Variants in DLC1 observed in about 807,000 individuals in gnomAD.
DLC1 encodes rho GTPase-activating protein 7.
Under a neutral mutation model 140.3 loss-of-function variants are expected in DLC1, and 54 were observed. The ratio of observed to expected loss-of-function variants is 0.38; its 90% confidence interval spans 0.31 to 0.48. DLC1 has a LOEUF of 0.48. Ranked by LOEUF, DLC1 falls within the 20% of genes least tolerant of loss-of-function variation. The pLI is 0.96. For missense variants in DLC1, 2,536 were observed against 1,907.0 expected, an observed-to-expected ratio of 1.33 and a Z score of -6.14; for synonymous variants, 986 against 728.1, an observed-to-expected ratio of 1.35 and a Z score of -5.70.
At chr8:13,373,460 G>C (rs1392846400) in intron 4 of DLC1, among the ~76,000 whole-genome samples, 1 of 152,144 alleles carries the variant, frequency 6.6e-6, no homozygotes, top group Non-Finnish European at 1.5e-5. Flanking sequence ...CATCTTGTTA[G>C]TTAAACCCAG....
intron 2 of DLC1, among the ~76,000 whole-genome samples, chr8:13,408,153 AAAC>A (rs1837644304): frequency 1.3e-5 from 2 of 152,214 alleles, no homozygotes; most frequent in Admixed American, 6.5e-5. Flanking sequence ...GCAGGAAAGA[AAAC>A]AACAACTATT....
intron 2 of DLC1, among the ~76,000 whole-genome samples, chr8:13,409,495 A>C (rs915772546): frequency 2.6e-5 from 4 of 152,172 alleles, no homozygotes; most frequent in Non-Finnish European, 4.4e-5. Flanking sequence ...TTTTTAGTGG[A>C]AGTAGTTCCA....
chr8:13,267,912 A>G (rs892402894), intron 5 of DLC1, among the ~76,000 whole-genome samples: 7 of 152,110 alleles, frequency 4.6e-5, no homozygotes, highest in African/African-American at 1.7e-4. Context: ...TCTTTTCACT[A>G]TGTCTTGGTG....
intron 1 of DLC1, among the ~76,000 whole-genome samples, chr8:13,548,979 C>T (rs1292866846): frequency 6.6e-6 from 1 of 152,010 alleles, no homozygotes; most frequent in Admixed American, 6.6e-5. Flanking sequence ...TGTACTTTGT[C>T]CCCTCAATTT....
intron 1 of DLC1, among the ~76,000 whole-genome samples, chr8:13,538,660 G>T (rs940838545): frequency 6.6e-6 from 1 of 152,122 alleles, no homozygotes; most frequent in African/African-American, 2.4e-5. Flanking sequence ...ACTATAGTAG[G>T]GTGGGATGAA....
chr8:13,517,758 A>T (rs1188293149), upstream of DLC1, among the ~76,000 whole-genome samples: 1 of 152,238 alleles, frequency 6.6e-6, no homozygotes, highest in African/African-American at 2.4e-5. Context: ...AAAACAAAGT[A>T]TCAGGATAGG....
At chr8:13,308,878 C>T (rs1832561064) in intron 4 of DLC1, among the ~76,000 whole-genome samples, 1 of 152,032 alleles carries the variant, frequency 6.6e-6, no homozygotes, top group Non-Finnish European at 1.5e-5. Flanking sequence ...GAGAAGGGAC[C>T]TGGATAGATT....
chr8:13,270,912 TC>T (rs1830905574), intron 5 of DLC1, among the ~76,000 whole-genome samples: 1 of 152,122 alleles, frequency 6.6e-6, no homozygotes, highest in African/African-American at 2.4e-5. Context: ...GCTCATTTAA[TC>T]CTTAAAACCA....
upstream of DLC1, among the ~76,000 whole-genome samples, chr8:13,517,490 C>T (rs7842952): frequency 1.4e-4 from 21 of 152,168 alleles, no homozygotes; most frequent in African/African-American, 5.1e-4. Flanking sequence ...ATTTATTTTT[C>T]ATTGTTGAGT....
chr8:13,212,821 G>A (rs1041272310), intron 5 of DLC1, among the ~76,000 whole-genome samples: 1 of 152,074 alleles, frequency 6.6e-6, no homozygotes, highest in African/African-American at 2.4e-5. Flanking sequence ...GAGGCAGACA[G>A]GTCTGAAAAG....
At chr8:13,582,915 T>G (rs1274272119) in intron 1 of DLC1, among the ~76,000 whole-genome samples, 1 of 131,540 alleles carries the variant, frequency 7.6e-6, no homozygotes, top group Non-Finnish European at 1.6e-5. Context: ...TATATATATA[T>G]ATATGTGGTG....
chr8:13,164,560 C>A (rs568947428), intron 5 of DLC1, among the ~76,000 whole-genome samples: 1 of 152,038 alleles, frequency 6.6e-6, no homozygotes, highest in Non-Finnish European at 1.5e-5. Flanking sequence ...TTAATTTTAA[C>A]GGGATCTTAT....
At chr8:13,327,930 A>C (rs1833438724) in intron 4 of DLC1, among the ~76,000 whole-genome samples, 1 of 152,242 alleles carries the variant, frequency 6.6e-6, no homozygotes, top group Non-Finnish European at 1.5e-5. Flanking sequence ...AAATATGAAC[A>C]AGGCAAAGTA....
intron 2 of DLC1, among the ~76,000 whole-genome samples, chr8:13,409,057 T>G (rs1837680841): frequency 1.3e-5 from 2 of 152,100 alleles, no homozygotes; most frequent in Non-Finnish European, 1.5e-5. Context: ...TCTGTCTACT[T>G]TTCTACCGGC....
chr8:13,330,594 A>G (rs928465520), intron 4 of DLC1, among the ~76,000 whole-genome samples: 28 of 152,074 alleles, frequency 1.8e-4, no homozygotes, highest in African/African-American at 6.8e-4. Flanking sequence ...ACCTTCCTCT[A>G]CGTCTTCTTT....
At position 13,499,862 on chromosome 8, in the gene DLC1, C is replaced by G. The variant is rs761953912; in HGVS notation, c.210G>C (p.Leu70=). 9 of 1,613,998 alleles carry G rather than the reference C, an allele frequency of 5.6e-6. No individual in the cohort carries two copies. The highest frequency in any genetic ancestry group is 6.8e-6 in the Non-Finnish European group (8 of 1,180,014). Residue 70 remains leucine (L), a synonymous_variant, in exon 2 of 18, where the codon CTG becomes CTC. Coordinates refer to ENST00000276297, the MANE Select transcript of DLC1 (RefSeq NM_182643.3). ...CCATTGGCCTCCCAGGAAAATCTCT[C>G]AGCTCTGATCCATGACAGCAGTCAG... ...SLPDCCHGSE[L]RDFPGRPMGH...
chr8:13,267,007 C>G (rs906503102), intron 5 of DLC1, among the ~76,000 whole-genome samples: 2 of 152,116 alleles, frequency 1.3e-5, no homozygotes, highest in African/African-American at 4.8e-5. Context: ...ACTCATTTGT[C>G]CAGCCACGAG....
chr8:13,153,432 G>T (rs1823992994), intron 5 of DLC1, among the ~76,000 whole-genome samples: 1 of 152,218 alleles, frequency 6.6e-6, no homozygotes, highest in Admixed American at 6.5e-5. Context: ...GACCCAAAGA[G>T]CGAGCAGCAG....
At chr8:13,596,681 A>C (rs1039851618) in intron 1 of DLC1, among the ~76,000 whole-genome samples, 1 of 151,964 alleles carries the variant, frequency 6.6e-6, no homozygotes, top group Non-Finnish European at 1.5e-5. Flanking sequence ...AAAGTTCTGT[A>C]CTTTATAAAT....
Sources: gnomAD v4.1 joint callset for allele counts (sites outside exome capture counted in the v4.1 genomes callset) on GRCh38, gnomAD v4.1.1 for gene constraint, MANE v1.5 for transcripts, NCBI Gene and HGNC (gene_info 2026-07-23, HGNC 2026-07-21) for gene names.